ABTB3: variants seen among roughly 807,000 people sequenced by gnomAD.
The protein encoded by ABTB3 is ankyrin repeat and BTB domain containing 3, also known as ankyrin repeat- and BTB/POZ domain-containing protein 3.
chr12:107,559,995 C>CT, the ABTB3 span, among the ~76,000 whole-genome samples: 1 of 151,842 alleles, frequency 6.6e-6, no homozygotes, highest in Non-Finnish European at 1.5e-5. Context: ...ATTGTCTTAT[C>CT]TTTTTTTAAT....
chr12:107,560,169 G>C, the ABTB3 span, among the ~76,000 whole-genome samples: 1 of 152,220 alleles, frequency 6.6e-6, no homozygotes, highest in Admixed American at 6.5e-5. Context: ...TGACTGTACC[G>C]TAATTTGCCT....
chr12:107,322,814 T>G, the ABTB3 span, among the ~76,000 whole-genome samples: 1 of 152,256 alleles, frequency 6.6e-6, no homozygotes, highest in African/African-American at 2.4e-5. Context: ...TCTTAACTCC[T>G]GTCTGTATGA....
the ABTB3 span, among the ~76,000 whole-genome samples, chr12:107,401,084 C>T: frequency 0.045 from 6,841 of 152,254 alleles, 263 homozygotes; most frequent in African/African-American, 0.1. Context: ...TCTCAGCTCT[C>T]ATGGAAACCT....
At chr12:107,555,110 T>C in the ABTB3 span, among the ~76,000 whole-genome samples, 1 of 152,178 alleles carries the variant, frequency 6.6e-6, no homozygotes. Flanking sequence ...AAGTGATAGC[T>C]TCGAGCATCC....
chr12:107,468,980 G>C, the ABTB3 span, among the ~76,000 whole-genome samples: 202 of 152,236 alleles, frequency 1.3e-3, no homozygotes, highest in African/African-American at 4.6e-3. Flanking sequence ...TCAGAGGTTC[G>C]ATAAATAACA....
At chr12:107,501,882 GT>G in the ABTB3 span, among the ~76,000 whole-genome samples, 1 of 152,140 alleles carries the variant, frequency 6.6e-6, no homozygotes, top group South Asian at 2.1e-4. Context: ...CGAATGTGAT[GT>G]GTTGGGGTCA....
chr12:107,558,346 G>A, the ABTB3 span, among the ~76,000 whole-genome samples: 1 of 152,232 alleles, frequency 6.6e-6, no homozygotes, highest in Non-Finnish European at 1.5e-5. Context: ...CTGCCATCCA[G>A]CAACAACAGC....
chr12:107,554,335 A>C, the ABTB3 span, among the ~76,000 whole-genome samples: 1 of 150,242 alleles, frequency 6.7e-6, no homozygotes, highest in Non-Finnish European at 1.5e-5. Context: ...TCAATTAGGA[A>C]GAATAGTTCT....
At chr12:107,319,858 C>T in the ABTB3 span, 1 of 1,230,064 alleles carries the variant, frequency 8.1e-7, no homozygotes, top group Non-Finnish European at 1.0e-6. Context: ...CAGCCAGCAG[C>T]GCCAGCGGGG....
the ABTB3 span, among the ~76,000 whole-genome samples, chr12:107,392,728 T>C: frequency 6.6e-6 from 1 of 152,214 alleles, no homozygotes; most frequent in Admixed American, 6.5e-5. Flanking sequence ...TCTACACAAC[T>C]GTAGGCTCTG....
chr12:107,447,430 C>T, the ABTB3 span, among the ~76,000 whole-genome samples: 1 of 152,202 alleles, frequency 6.6e-6, no homozygotes, highest in Non-Finnish European at 1.5e-5. Flanking sequence ...GCTTGAGCTA[C>T]CTTGCCTGGC....
chr12:107,464,818 A>T, the ABTB3 span, among the ~76,000 whole-genome samples: 1 of 152,118 alleles, frequency 6.6e-6, no homozygotes, highest in African/African-American at 2.4e-5. Context: ...CACCCAGGGG[A>T]TGTTGGGCAA....
chr12:107,370,089 G>T, the ABTB3 span, among the ~76,000 whole-genome samples: 2 of 152,200 alleles, frequency 1.3e-5, no homozygotes, highest in African/African-American at 4.8e-5. Flanking sequence ...TTCAGTAAAC[G>T]TTATTTTCCC....
the ABTB3 span, among the ~76,000 whole-genome samples, chr12:107,540,858 G>C: frequency 6.6e-6 from 1 of 152,016 alleles, no homozygotes; most frequent in Admixed American, 6.5e-5. Flanking sequence ...ATAAATAGCC[G>C]GGCATGGTGG....
chr12:107,357,601 A>T, the ABTB3 span, among the ~76,000 whole-genome samples: 1 of 152,174 alleles, frequency 6.6e-6, no homozygotes, highest in Non-Finnish European at 1.5e-5. Context: ...ACAGAGTAAG[A>T]TTCTATCTCT....
At chr12:107,363,640 C>T in the ABTB3 span, among the ~76,000 whole-genome samples, 1 of 152,128 alleles carries the variant, frequency 6.6e-6, no homozygotes, top group Admixed American at 6.5e-5. Context: ...TGTTGTAACC[C>T]ATTTTTAGTT....
chr12:107,410,888 G>T, the ABTB3 span, among the ~76,000 whole-genome samples: 92 of 152,260 alleles, frequency 6.0e-4, no homozygotes, highest in African/African-American at 2.1e-3. Flanking sequence ...AATTTGGGGA[G>T]CTTTCAGGGT....
the ABTB3 span, among the ~76,000 whole-genome samples, chr12:107,512,179 A>G: frequency 6.6e-6 from 1 of 152,230 alleles, no homozygotes; most frequent in Non-Finnish European, 1.5e-5. Context: ...CCAGGAAGCA[A>G]AAGAACCAGA....
the ABTB3 span, among the ~76,000 whole-genome samples, chr12:107,563,420 GC>G: frequency 1.3e-5 from 2 of 152,178 alleles, no homozygotes; most frequent in East Asian, 1.9e-4. Flanking sequence ...CTCTTATGAA[GC>G]TGACAGTCTA....
Sources: allele counts gnomAD v4.1 joint callset (sites outside exome capture counted in the v4.1 genomes callset), GRCh38; gene constraint gnomAD v4.1.1; transcripts MANE v1.5; gene names NCBI Gene and HGNC (gene_info 2026-07-23, HGNC 2026-07-21).